Variants in SLC25A36 observed in about 807,000 individuals in gnomAD.
SLC25A36 encodes solute carrier family 25 member 36.
In SLC25A36, 24 loss-of-function variants were observed where a neutral mutation model predicts 35.3. The observed-to-expected ratio is 0.68, with a 90% CI of 0.49 to 0.96. The LOEUF is 0.96. Among genes scored for constraint, SLC25A36 ranks in the 40% least tolerant of loss-of-function variants. The pLI, the probability that SLC25A36 is intolerant of heterozygous loss-of-function variation, is 0.00. For synonymous variants in SLC25A36, 141 were observed against 132.2 expected (o/e 1.07, Z -0.46); for missense variants, 294 against 381.1 (o/e 0.77, Z 1.90).
rs554496893 is a variant in SLC25A36, at chr3:140,956,656, C to A, written c.171C>A (p.Asn57Lys). The change falls in exon 2 of 7, where the codon AAC becomes AAA. Residue 57 changes from asparagine (N) to lysine (K), a missense_variant. Asn to Lys is a moderately conservative substitution (Grantham distance 94). This residue lies in a region of SLC25A36 where 185 missense variants were observed against 201.5 expected (regional missense o/e 0.92). Coordinates refer to ENST00000324194, the MANE Select transcript of SLC25A36 (RefSeq NM_001104647.3). ...QLNTMAGASV[N>K]RVVSPGPLHC... ...ACACCATGGCTGGAGCCAGTGTCAA[C>A]CGAGTAGTGTCTCCCGGACCTCTTC... The A allele has an allele frequency of 3.1e-6, 5 of 1,613,608 alleles. No individual in the cohort carries two copies. In the South Asian group the frequency reaches 4.4e-5, roughly 14 times the overall value.
intron 3 of SLC25A36, among the ~76,000 whole-genome samples, chr3:140,961,659 TC>T (rs1310148163): frequency 6.6e-6 from 1 of 151,522 alleles, no homozygotes; most frequent in Non-Finnish European, 1.5e-5. Context: ...ATCGAGACCA[TC>T]CTGGCTAACA....
rs1201080494 is a variant in SLC25A36 at position 140,979,941 on chromosome 3, A to C, written c.*3488A>C. On this transcript the variant is annotated 3_prime_UTR_variant, in exon 7 of 7. Transcript: ENST00000324194. ...AAAATTAAAATACGCTCATGAAAAT[A>C]TGGCTTTTTCTGTAATATATCAACA... The C allele has an allele frequency of 6.6e-6, 1 of 152,212 alleles. No individual in the cohort carries two copies. The highest frequency in any genetic ancestry group is 1.9e-4 in the East Asian group (1 of 5,204). The allele number at this position is 152,212 out of a possible 1,614,324, so 9.4% of individuals were successfully genotyped here.
Position 140,944,769 on chromosome 3 carries a change from GTC to G in SLC25A36, c.41+2676_41+2677del, listed in dbSNP as rs371299799. Among the ~76,000 whole-genome samples, 976 of 152,212 alleles carry G rather than the reference GTC, an allele frequency of 6.4e-3. 11 individuals are homozygous for G. Among genetic ancestry groups the G allele is most frequent in the African/African-American group, 0.02 (817 of 41,532 alleles). ...TAAAATCAAAGATGATCTAAGAACT[GTC>G]TATTTTTATATCCTGGAGCTCATTC... On this transcript the variant is annotated intron_variant, in intron 1 of 6. Coordinates refer to ENST00000324194, the MANE Select transcript of SLC25A36 (RefSeq NM_001104647.3).
intron 2 of SLC25A36, among the ~76,000 whole-genome samples, 179 bp from the exon 3 acceptor site, chr3:140,959,284 A>C (rs1934569254): frequency 6.6e-6 from 1 of 152,020 alleles, no homozygotes; most frequent in Non-Finnish European, 1.5e-5. Flanking sequence ...CAAAGTGCTG[A>C]AATTACAGGC....
At chr3:140,972,816 G>A (rs1934940649) in intron 5 of SLC25A36, 1 of 152,126 alleles carries the variant, frequency 6.6e-6, no homozygotes, top group African/African-American at 2.4e-5. Context: ...GGTGGAATCT[G>A]TAGGTAATTA....
At chr3:140,951,823 TTTGTTG>T (rs770723106) in intron 1 of SLC25A36, among the ~76,000 whole-genome samples, 2 of 151,824 alleles carry the variant, frequency 1.3e-5, no homozygotes, top group South Asian at 2.1e-4. Flanking sequence ...TTAATTTTGT[TTTGTTG>T]TTGTTGTTGT....
In SLC25A36 at chr3:140,970,934, T is replaced by C; in HGVS notation, c.393T>C (p.Thr131=). ...TTAAACATGTTTGTTTAGGTTTTACTGCAATCACAGCAACCAACCCCATTT... is the reference window on the plus strand; with the variant it reads ...TTAAACATGTTTGTTTAGGTTTTACCGCAATCACAGCAACCAACCCCATTT... ...HMISAAMAGF[T]AITATNPIWL... is the part of the protein sequence containing the mutation. The change falls in exon 5 of 7, where the codon ACT becomes ACC. Residue 131 remains threonine (T), a synonymous_variant. Transcript: ENST00000324194. 6.8e-7 allele frequency: 1 copy of C among 1,472,566 alleles called. No individual in the cohort carries two copies. Among genetic ancestry groups the C allele is most frequent in the East Asian group, 2.3e-5 (1 of 44,064 alleles). The allele number at this position is 1,472,566 out of a possible 1,614,324, so 91.2% of individuals were successfully genotyped here. A position where few individuals can be genotyped will look rare whatever the true frequency, so the allele number is the denominator to read the frequency against.
chr3:140,956,892 T>C (rs896565574), intron 2 of SLC25A36: 1 of 853,118 alleles, frequency 1.2e-6, no homozygotes, highest in Non-Finnish European at 1.5e-6. Context: ...GTAATTTTAC[T>C]TCCAAATCAT....
chr3:140,967,911 G>A, intron 4 of SLC25A36: 6 of 856,352 alleles, frequency 7.0e-6, no homozygotes, highest in Non-Finnish European at 8.4e-6. Flanking sequence ...GTTTCACTAG[G>A]TGCTCAGAAT....
chr3:140,970,974 C>A lies in SLC25A36; in HGVS notation c.433C>A (p.Arg145=). ...CAACCCCATTTGGCTTATAAAGACT[C>A]GGTTACAGCTTGATGCAAGGTATGT... ...ATNPIWLIKT[R]LQLDARNRGE... The change falls in exon 5 of 7, where the codon CGG becomes AGG. Residue 145 remains arginine (R), a synonymous_variant. Transcript: ENST00000324194. The A allele has an allele frequency of 6.7e-7, 1 of 1,484,724 alleles. No homozygotes were observed. Among genetic ancestry groups the A allele is most frequent in the Non-Finnish European group, 9.4e-7 (1 of 1,063,710 alleles). 92.0% of individuals were successfully genotyped at this position (1,484,724 alleles called of 1,614,324 possible). A position where few individuals can be genotyped will look rare whatever the true frequency, so the allele number is the denominator to read the frequency against.
chr3:140,961,222 A>G lies in SLC25A36; in HGVS notation c.284+1682A>G, dbSNP rs555875676. ...AACACCATTAATAGACAGTTCATGT[A>G]TATTCTTCCAGTAATTTTTCTCGGT... is the stretch of plus-strand genomic sequence containing the variant. On this transcript the variant is annotated intron_variant, in intron 3 of 6. Transcript: ENST00000324194. Among the ~76,000 whole-genome samples, 5 of 152,324 alleles carry G rather than the reference A, an allele frequency of 3.3e-5. No individual in the cohort carries two copies. The East Asian group carries it at 7.7e-4, about 23-fold the overall frequency.
At chr3:140,953,936 C>T (rs921743849) in intron 1 of SLC25A36, among the ~76,000 whole-genome samples, 4 of 152,194 alleles carry the variant, frequency 2.6e-5, no homozygotes, top group African/African-American at 9.7e-5. Context: ...TGCCACTGCA[C>T]TCCAGCCTTG....
intron 1 of SLC25A36, among the ~76,000 whole-genome samples, chr3:140,948,480 C>T (rs1282972329): frequency 6.6e-6 from 1 of 152,110 alleles, no homozygotes; most frequent in African/African-American, 2.4e-5. Flanking sequence ...CCGTGCCCGG[C>T]CAGTGATTGA....
intron 1 of SLC25A36, among the ~76,000 whole-genome samples, chr3:140,951,854 G>GA (rs1934335269): frequency 6.6e-6 from 1 of 151,854 alleles, no homozygotes; most frequent in African/African-American, 2.4e-5. Context: ...ATTGTTTTGA[G>GA]ACAGGGTCTC....
At chr3:140,961,629 G>C (rs984555569) in intron 3 of SLC25A36, among the ~76,000 whole-genome samples, 1 of 151,888 alleles carries the variant, frequency 6.6e-6, no homozygotes, top group Non-Finnish European at 1.5e-5. Flanking sequence ...GCCAAGGCGG[G>C]TGGATCACAA....
chr3:140,953,041 A>T (rs1934371422), intron 1 of SLC25A36, among the ~76,000 whole-genome samples: 1 of 152,238 alleles, frequency 6.6e-6, no homozygotes, highest in Admixed American at 6.5e-5. Context: ...GGTTTGCCAT[A>T]AATAGATCAC....
chr3:140,944,285 T>C (rs367839791), intron 1 of SLC25A36, among the ~76,000 whole-genome samples: 3 of 152,218 alleles, frequency 2.0e-5, no homozygotes, highest in African/African-American at 7.2e-5. Context: ...ACATTTCTAA[T>C]AGCCTAGTAG....
intron 2 of SLC25A36, among the ~76,000 whole-genome samples, chr3:140,958,984 G>A (rs550185134): frequency 1.5e-3 from 220 of 143,562 alleles, no homozygotes; most frequent in Non-Finnish European, 2.5e-3. Flanking sequence ...GTGTGTGTGT[G>A]TGTGTGTGTG....
In SLC25A36 at chr3:140,976,578, A is replaced by G; in HGVS notation, c.*125A>G. 3 of 724,844 alleles carry G rather than the reference A, an allele frequency of 4.1e-6. No homozygotes were observed. 44.9% of individuals were successfully genotyped at this position (724,844 alleles called of 1,614,324 possible). A position where few individuals can be genotyped will look rare whatever the true frequency, so the allele number is the denominator to read the frequency against. On this transcript the variant is annotated 3_prime_UTR_variant, in exon 7 of 7. Transcript: ENST00000324194. ...GGGAACATGTAACTATTCTAAGTGG[A>G]AGTTTTGTTGTAGGAATTATAGTAA...
Sources: gnomAD v4.1 joint callset for allele counts (sites outside exome capture counted in the v4.1 genomes callset) on GRCh38, gnomAD v4.1.1 for gene constraint, gnomAD v4.1.1 regional missense constraint, MANE v1.5 for transcripts, NCBI Gene and HGNC (gene_info 2026-07-23, HGNC 2026-07-21) for gene names.